GOLGA3: variants seen among roughly 807,000 people sequenced by gnomAD.
The protein encoded by GOLGA3 is golgin A3.
In GOLGA3, 75 loss-of-function variants were observed where a neutral mutation model predicts 169.4. The ratio of observed to expected loss-of-function variants is 0.44; its 90% CI spans 0.37 to 0.54. The LOEUF (loss-of-function observed/expected upper bound fraction) is 0.54, where lower values mean the gene tolerates loss of function less well. Among genes scored for constraint, GOLGA3 ranks in the 20% least tolerant of loss-of-function variants. GOLGA3 has a pLI of 0.00. For missense variants in GOLGA3, 1,899 were observed against 1,930.0 expected, an observed-to-expected ratio of 0.98 and a Z score of 0.30; for synonymous variants, 824 against 822.4, an observed-to-expected ratio of 1.00 and a Z score of -0.03.
At chr12:132,818,055 C>T (rs561481369) in intron 2 of GOLGA3, among the ~76,000 whole-genome samples, 13 of 144,568 alleles carry the variant, frequency 9.0e-5, no homozygotes, top group Admixed American at 4.8e-4. Flanking sequence ...CACACCTGTA[C>T]GCTCTAACGT....
chr12:132,826,097 C>A, intron 1 of GOLGA3: 19 of 1,496,712 alleles, frequency 1.3e-5, no homozygotes, highest in Non-Finnish European at 1.8e-5. Flanking sequence ...CGAGTGCCGG[C>A]CTTGCCGGCC....
intron 2 of GOLGA3, among the ~76,000 whole-genome samples, chr12:132,817,262 C>T (rs1321332166): frequency 1.2e-5 from 1 of 86,702 alleles, no homozygotes; most frequent in Non-Finnish European, 2.4e-5. Context: ...TCCACACCTC[C>T]ACACTCTAAC....
At position 132,804,518 on chromosome 12, in the gene GOLGA3, A is replaced by G. The variant is rs10735671; in HGVS notation, c.1597+198T>C. Among the ~76,000 whole-genome samples, 146,989 of 151,474 alleles carry G rather than the reference A, an allele frequency of 0.97. 71,477 individuals are homozygous for G. Among genetic ancestry groups the G allele is most frequent in the East Asian group, 1 (5,147 of 5,152 alleles). On this transcript the variant is annotated intron_variant, in intron 7 of 23. Coordinates refer to ENST00000450791, the MANE Select transcript of GOLGA3 (RefSeq NM_001389683.1). The surrounding 1 kb of genome is among the most constrained non-coding windows in gnomAD (Gnocchi z 4.1). ...CAGCACCAGGGAGGAGGGCGTGGCG[A>G]GGACCAGTCAGGGAAGGAGGGCGTG... is the stretch of plus-strand genomic sequence containing the variant.
Position 132,774,222 on chromosome 12 carries a change from C to T in GOLGA3, c.4242G>A (p.Leu1414=). The T allele has an allele frequency of 6.2e-7, 1 of 1,611,524 alleles. No homozygotes were observed. Among genetic ancestry groups the T allele is most frequent in the South Asian group, 1.1e-5 (1 of 91,062 alleles). ...PVPASLLEEL[L]RPPPAVSKEP... is the part of the protein sequence containing the mutation. The stretch of plus-strand genomic sequence containing the variant: ...CCTTGCTCACGGCGGGCGGTGGTCT[C>T]AGCAGCTCCTCCAGCAGCGAGGCGG... The change falls in exon 23 of 24, where the codon CTG becomes CTA. Residue 1414 remains leucine (L), a synonymous_variant. Transcript: ENST00000450791.
At chr12:132,778,871 G>C (rs895249430) in intron 18 of GOLGA3, among the ~76,000 whole-genome samples, 1 of 150,782 alleles carries the variant, frequency 6.6e-6, no homozygotes, top group African/African-American at 2.4e-5. Context: ...CTCCAGCCTG[G>C]TGACAAAGTG....
chr12:132,820,186 A>T (rs1288650160), intron 2 of GOLGA3, among the ~76,000 whole-genome samples: 1 of 152,114 alleles, frequency 6.6e-6, no homozygotes, highest in Non-Finnish European at 1.5e-5. Flanking sequence ...CAAAAAAAAA[A>T]AAATCAGCTA....
At chr12:132,807,788 CCCACCTCT>C in intron 5 of GOLGA3, 95 bp downstream of exon 5, 1 of 291,546 alleles carries the variant, frequency 3.4e-6, no homozygotes, top group Non-Finnish European at 6.0e-6. Context: ...GTTGGCCCCA[CCCACCTCT>C]GCTACCGCCC....
At chr12:132,780,714 G>T in intron 18 of GOLGA3, 84 bp downstream of exon 18, 1 of 836,236 alleles carries the variant, frequency 1.2e-6, no homozygotes, top group Non-Finnish European at 2.0e-6. Context: ...CTGGAAGGAG[G>T]CTGGTGTGTG....
At chr12:132,776,848 A>G in intron 20 of GOLGA3, 92 bp from the exon 21 acceptor site, 1 of 1,557,884 alleles carries the variant, frequency 6.4e-7, no homozygotes, top group Non-Finnish European at 8.7e-7. Flanking sequence ...TTTATCTTTT[A>G]ATACCATATT....
At chr12:132,779,561 A>G (rs1174673506) in intron 18 of GOLGA3, among the ~76,000 whole-genome samples, 2 of 152,252 alleles carry the variant, frequency 1.3e-5, no homozygotes, top group African/African-American at 4.8e-5. Context: ...AAAAGTTTGA[A>G]TTGTGAAGCA....
rs1949808516 is a variant in GOLGA3, at chr12:132,813,385, C to G, written c.441G>C (p.Glu147Asp). The change falls in exon 4 of 24, where the codon GAG becomes GAC. Residue 147 changes from glutamate to aspartate, a missense_variant. Glu to Asp is a conservative substitution (Grantham distance 45, BLOSUM62 2). Transcript: ENST00000450791. ...STDSPLPLEK[E>D]EQVRLQARKW... is the part of the protein sequence containing the mutation. The stretch of plus-strand genomic sequence containing the variant: ...TCCGAGCCTGAAGTCGGACCTGCTC[C>G]TCCTTCTCCAGGGGCAGGGGAGAAT... The G allele has an allele frequency of 1.2e-6, 2 of 1,613,068 alleles. No individual in the cohort carries two copies. Among genetic ancestry groups the G allele is most frequent in the South Asian group, 2.2e-5 (2 of 91,022 alleles).
chr12:132,790,250 C>T (rs1187814761), intron 12 of GOLGA3, among the ~76,000 whole-genome samples: 1 of 152,064 alleles, frequency 6.6e-6, no homozygotes, highest in Non-Finnish European at 1.5e-5. Flanking sequence ...AAGAGAATGG[C>T]GTGAACCTGG....
At position 132,774,333 on chromosome 12, in the gene GOLGA3, G is replaced by T; in HGVS notation, c.4144-13C>A. ...TCGGCTCCTTTCTCTGTTTTTAAAAGCACATGATCAGCTTTCCCACCGTCC... is the reference window on the plus strand; with the variant it reads ...TCGGCTCCTTTCTCTGTTTTTAAAATCACATGATCAGCTTTCCCACCGTCC... On this transcript the variant is annotated splice_polypyrimidine_tract_variant and intron_variant, in intron 22 of 23. Transcript: ENST00000450791. 1 of 1,610,266 alleles carries T rather than the reference G, an allele frequency of 6.2e-7. No individual in the cohort carries two copies.
At position 132,779,906 on chromosome 12, in the gene GOLGA3, A is replaced by G. The variant is rs186924238; in HGVS notation, c.3582+892T>C. Among the ~76,000 whole-genome samples, 435 of 125,152 alleles carry G rather than the reference A, an allele frequency of 3.5e-3. 7 individuals carry two copies. The highest frequency in any genetic ancestry group is 0.012 in the African/African-American group (395 of 33,554). The allele number at this position is 125,152 out of a possible 152,430, so 82.1% of individuals were successfully genotyped here. A position where few individuals can be genotyped will look rare whatever the true frequency, so the allele number is the denominator to read the frequency against. On this transcript the variant is annotated intron_variant, in intron 18 of 23. Coordinates refer to ENST00000450791, the MANE Select transcript of GOLGA3 (RefSeq NM_001389683.1). ...TGTGTACAGACATCACAACTCTTGC[A>G]CGCACAGCCCCCCGCATGCACACAA...
chr12:132,770,963 A>C lies in GOLGA3; in HGVS notation c.*2142T>G, dbSNP rs2044874118. 1 of 152,540 alleles carries C rather than the reference A, an allele frequency of 6.6e-6. No individual in the cohort carries two copies. Among genetic ancestry groups the C allele is most frequent in the Non-Finnish European group, 1.5e-5 (1 of 68,032 alleles). 9.4% of individuals were successfully genotyped at this position (152,540 alleles called of 1,614,324 possible). The stretch of plus-strand genomic sequence containing the variant: ...TTTCTTGATTTTAAAATTAAAACAA[A>C]GGGGTAGTACAGCCAAAATAAATAA... On this transcript the variant is annotated 3_prime_UTR_variant, in exon 24 of 24. Transcript: ENST00000450791.
rs773699307 is a variant in GOLGA3, at chr12:132,774,319, C to T, written c.4145G>A (p.Arg1382Lys). 1.2e-5 allele frequency: 20 copies of T among 1,611,474 alleles called. No individual in the cohort carries two copies. Among genetic ancestry groups the T allele is most frequent in the Non-Finnish European group, 1.7e-5 (20 of 1,180,012 alleles). Residue 1382 changes from arginine (R) to lysine (K), a missense_variant and splice_region_variant, in exon 23 of 24, where the codon AGA becomes AAA. Coordinates refer to ENST00000450791, the MANE Select transcript of GOLGA3 (RefSeq NM_001389683.1). The stretch of plus-strand genomic sequence containing the variant: ...GCTGGCCTCGCCTTTCGGCTCCTTT[C>T]TCTGTTTTTAAAAGCACATGATCAG... Reference protein sequence around the residue: ...LDLRRGAAKTRKEPKGEASSS... With the variant: ...LDLRRGAAKTKKEPKGEASSS...
rs1948856113 is a variant in GOLGA3, at chr12:132,796,635, C to G, written c.2004G>C (p.Glu668Asp). The G allele has an allele frequency of 1.9e-6, 3 of 1,614,064 alleles. No homozygotes were observed. Among genetic ancestry groups the G allele is most frequent in the East Asian group, 4.5e-5 (2 of 44,890 alleles). The change falls in exon 10 of 24, where the codon GAG becomes GAC. Residue 668 changes from glutamate (E) to aspartate (D), a missense_variant. Physicochemically the swap from Glu to Asp is conservative, Grantham distance 45. Coordinates refer to ENST00000450791, the MANE Select transcript of GOLGA3 (RefSeq NM_001389683.1). The part of the protein sequence containing the change: ...QIQEAKTMVE[E>D]DLQRRLEEFE... Reference sequence around the variant, plus strand: ...ACTCTTCCAGCCTCCTCTGAAGGTCCTCCTCCACCATCGTCTTTGCCTCCT... The same window carrying G: ...ACTCTTCCAGCCTCCTCTGAAGGTCGTCCTCCACCATCGTCTTTGCCTCCT...
intron 18 of GOLGA3, among the ~76,000 whole-genome samples, chr12:132,780,098 CTT>C (rs367722669): frequency 1.2e-3 from 139 of 120,026 alleles, no homozygotes; most frequent in East Asian, 8.8e-3. Flanking sequence ...AGACATCACA[CTT>C]GCACGCACAG....
chr12:132,772,877 G>A lies in GOLGA3; in HGVS notation c.*228C>T, dbSNP rs1033936585. 133 of 468,814 alleles carry A rather than the reference G, an allele frequency of 2.8e-4. No homozygotes were observed. Among genetic ancestry groups the A allele is most frequent in the Non-Finnish European group, 3.6e-4 (95 of 262,278 alleles). The allele number at this position is 468,814 out of a possible 1,614,324, so 29.0% of individuals were successfully genotyped here. Reference sequence around the variant, plus strand: ...AGACACGTTCAAAGCTCCTCGCCGAGAGCCTATCAGGCTTTTAAGAGTTGG... The same window carrying A: ...AGACACGTTCAAAGCTCCTCGCCGAAAGCCTATCAGGCTTTTAAGAGTTGG... On this transcript the variant is annotated 3_prime_UTR_variant, in exon 24 of 24. Transcript: ENST00000450791.
Sources: allele counts gnomAD v4.1 joint callset (sites outside exome capture counted in the v4.1 genomes callset), GRCh38; gene constraint gnomAD v4.1.1; non-coding constraint Gnocchi (gnomAD v3.1); transcripts MANE v1.5; gene names NCBI Gene and HGNC (gene_info 2026-07-23, HGNC 2026-07-21).